Variants in FAM120B observed in about 807,000 individuals in gnomAD.
FAM120B encodes the protein constitutive coactivator of peroxisome proliferator-activated receptor gamma.
In FAM120B, 83 loss-of-function variants were observed where a neutral mutation model predicts 96.3. The observed-to-expected ratio is 0.86, with a 90% CI of 0.72 to 1.03. FAM120B has a LOEUF of 1.03. Ranked by LOEUF, FAM120B falls within the 50% of genes least tolerant of loss-of-function variation. The pLI is 0.00. For synonymous variants in FAM120B, 407 were observed against 402.7 expected (o/e 1.01, Z -0.13); for missense variants, 1,027 against 1,121.2 (o/e 0.92, Z 1.20).
chr6:170,370,996 A>T lies in FAM120B; in HGVS notation c.2283+12678A>T, dbSNP rs1195706526. Among the ~76,000 whole-genome samples, 1 of 152,154 alleles carries T rather than the reference A, an allele frequency of 6.6e-6. No individual in the cohort carries two copies. Among genetic ancestry groups the T allele is most frequent in the African/African-American group, 2.4e-5 (1 of 41,428 alleles). ...TGGATAGACAGACATTATTTAGACA[A>T]AGTCACATGAACTATACAGTTCACC... On this transcript the variant is annotated intron_variant, in intron 6 of 10. Transcript: ENST00000476287. This position sits in a 1 kb window ranked among gnomAD's most constrained non-coding sequence, Gnocchi z 4.3.
Position 170,402,045 on chromosome 6 carries a change from C to T in FAM120B, c.2693-2505C>T, listed in dbSNP as rs369921219. On this transcript the variant is annotated intron_variant, in intron 9 of 10. Coordinates refer to ENST00000476287, the MANE Select transcript of FAM120B (RefSeq NM_032448.3). ...TGGGCTCTGTGGGCCCTGCACCCTG[C>T]GTGTCCCACGCTTCAGTCCCTCATC... 2.1e-4 allele frequency among the ~76,000 whole-genome samples: 32 copies of T among 152,392 alleles called. No individual in the cohort carries two copies. The East Asian group carries it at 2.5e-3, about 12-fold the overall frequency.
chr6:170,400,585 GC>G lies in FAM120B; in HGVS notation c.2693-3963del, dbSNP rs534266050. Among the ~76,000 whole-genome samples, 61 of 152,146 alleles carry G rather than the reference GC, an allele frequency of 4.0e-4. 1 individual carries two copies. The highest frequency in any genetic ancestry group is 6.6e-4 in the Non-Finnish European group (45 of 68,020). ...TGCTCCCTGGCTTCTGATCAGTGTGGCCTGACCGGCTGCAGGGACGGCACCT... is the reference window on the plus strand; with the variant it reads ...TGCTCCCTGGCTTCTGATCAGTGTGGCTGACCGGCTGCAGGGACGGCACCT... On this transcript the variant is annotated intron_variant, in intron 9 of 10. Coordinates refer to ENST00000476287, the MANE Select transcript of FAM120B (RefSeq NM_032448.3).
intron 6 of FAM120B, among the ~76,000 whole-genome samples, chr6:170,362,779 T>C (rs1191739304): frequency 1.3e-5 from 2 of 151,524 alleles, no homozygotes; most frequent in Non-Finnish European, 2.9e-5. Context: ...CCTCCCAGGC[T>C]CAAGCCATCC....
At chr6:170,330,388 A>G in intron 3 of FAM120B, 61 bp from the exon 4 acceptor site, 2 of 1,349,672 alleles carry the variant, frequency 1.5e-6, no homozygotes, top group Non-Finnish European at 1.1e-6. Context: ...TGGGTCTGTG[A>G]CACTGTGAGC....
Position 170,334,640 on chromosome 6 carries a change from G to T in FAM120B, c.2017+4090G>T, listed in dbSNP as rs141904352. ...TTGGTGAGGCTCTGCTCATGTGGCT[G>T]CCAGTGTCTGAAACTGCCCCGACCA... On this transcript the variant is annotated intron_variant, in intron 4 of 10. Transcript: ENST00000476287. Among the ~76,000 whole-genome samples, 1,340 of 152,204 alleles carry T rather than the reference G, an allele frequency of 8.8e-3. 66 individuals are homozygous for T. The East Asian group carries it at 0.11, about 12-fold the overall frequency.
intron 1 of FAM120B, among the ~76,000 whole-genome samples, chr6:170,312,781 A>G (rs913967761): frequency 6.6e-6 from 1 of 152,226 alleles, no homozygotes; most frequent in African/African-American, 2.4e-5. Context: ...TGAAGGAGAG[A>G]GATCTGGCTT....
intron 6 of FAM120B, among the ~76,000 whole-genome samples, chr6:170,383,757 T>TAA (rs2115297314): frequency 6.6e-6 from 1 of 152,260 alleles, no homozygotes; most frequent in South Asian, 2.1e-4. Flanking sequence ...ATAATGCACT[T>TAA]ACCATCTGAA....
At chr6:170,300,089 C>A (rs1182790554) in intron 1 of FAM120B, among the ~76,000 whole-genome samples, 4 of 152,148 alleles carry the variant, frequency 2.6e-5, no homozygotes, top group Non-Finnish European at 5.9e-5. Context: ...CAATTGTTAC[C>A]TGTATTAGTC....
At chr6:170,296,940 G>A (rs1046326255) in intron 1 of FAM120B, among the ~76,000 whole-genome samples, 29 of 152,346 alleles carry the variant, frequency 1.9e-4, no homozygotes, top group African/African-American at 7.0e-4. Context: ...GGCGATGGGC[G>A]GACGGGCCGT....
intron 4 of FAM120B, among the ~76,000 whole-genome samples, chr6:170,339,592 A>G (rs978578928): frequency 2.0e-5 from 3 of 152,010 alleles, no homozygotes; most frequent in Non-Finnish European, 4.4e-5. Context: ...ATCCTGGCTA[A>G]TATGGTGAAA....
chr6:170,300,837 C>G (rs531732158), intron 1 of FAM120B, among the ~76,000 whole-genome samples: 1 of 152,200 alleles, frequency 6.6e-6, no homozygotes, highest in Non-Finnish European at 1.5e-5. Flanking sequence ...CACACTGATG[C>G]GAGAGGTGGG....
intron 3 of FAM120B, among the ~76,000 whole-genome samples, chr6:170,326,918 C>T (rs1307303145): frequency 6.6e-6 from 1 of 151,820 alleles, no homozygotes; most frequent in African/African-American, 2.4e-5. Flanking sequence ...TTTAAATATT[C>T]TTTTTTTGAA....
rs770885051 is a variant in FAM120B, at chr6:170,323,221, G to A, written c.1877G>A (p.Arg626Gln). Reference protein sequence around the residue: ...PSQAFIYRPIRQRVYSLLLED... With the variant: ...PSQAFIYRPIQQRVYSLLLED... The stretch of plus-strand genomic sequence containing the variant: ...CAGGCCTTCATTTACCGTCCCATTC[G>A]ACAGCGGGTCTACTCACTCTTACTG... The change falls in exon 3 of 11, where the codon CGA becomes CAA. Residue 626 changes from arginine to glutamine, a missense_variant. Coordinates refer to ENST00000476287, the MANE Select transcript of FAM120B (RefSeq NM_032448.3). The A allele has an allele frequency of 5.6e-6, 9 of 1,613,920 alleles. No homozygotes were observed. Among genetic ancestry groups the A allele is most frequent in the South Asian group, 1.1e-5 (1 of 91,064 alleles).
intron 4 of FAM120B, among the ~76,000 whole-genome samples, chr6:170,346,187 CTT>C (rs68080508): frequency 2.0e-5 from 3 of 147,740 alleles, no homozygotes; most frequent in South Asian, 4.3e-4. Flanking sequence ...TGTAATGAAT[CTT>C]TTTTTTTTTG....
chr6:170,361,253 T>TATATATAC (rs1421074394), intron 6 of FAM120B, among the ~76,000 whole-genome samples: 3 of 137,466 alleles, frequency 2.2e-5, no homozygotes, highest in African/African-American at 8.0e-5. Context: ...TATATATATA[T>TATATATAC]ACGTGTATAT....
chr6:170,359,752 C>T (rs534976859), intron 6 of FAM120B, among the ~76,000 whole-genome samples: 165 of 152,272 alleles, frequency 1.1e-3, no homozygotes, highest in Admixed American at 1.9e-3. Flanking sequence ...ACTTTCAATA[C>T]TAGGTTTCAT....
chr6:170,325,414 C>T (rs1214525649), intron 3 of FAM120B, among the ~76,000 whole-genome samples: 3 of 151,922 alleles, frequency 2.0e-5, no homozygotes, highest in Non-Finnish European at 4.4e-5. Flanking sequence ...CTCACTCTTC[C>T]GTTTTGCCTT....
chr6:170,374,399 A>G (rs1789388540), intron 6 of FAM120B, among the ~76,000 whole-genome samples: 1 of 152,322 alleles, frequency 6.6e-6, no homozygotes, highest in Admixed American at 6.5e-5. Context: ...AACAGGGTGA[A>G]CTGGTGTGGA....
chr6:170,357,749 G>A (rs1481576602), intron 5 of FAM120B, among the ~76,000 whole-genome samples: 1 of 152,202 alleles, frequency 6.6e-6, no homozygotes, highest in Non-Finnish European at 1.5e-5. Flanking sequence ...CAGATGTTCT[G>A]CGGAGTTTTG....
Sources: gnomAD v4.1 joint callset for allele counts (sites outside exome capture counted in the v4.1 genomes callset) on GRCh38, gnomAD v4.1.1 for gene constraint, Gnocchi (gnomAD v3.1) non-coding constraint, MANE v1.5 for transcripts, NCBI Gene and HGNC (gene_info 2026-07-23, HGNC 2026-07-21) for gene names.